ADAM28: variants seen among roughly 807,000 people sequenced by gnomAD.
ADAM28 encodes disintegrin and metalloproteinase domain-containing protein 28.
Under a neutral mutation model 101.2 loss-of-function variants are expected in ADAM28, and 105 were observed. The observed-to-expected ratio is 1.04, with a 90% CI of 0.89 to 1.22. The LOEUF (loss-of-function observed/expected upper bound fraction) is 1.22, where lower values mean the gene tolerates loss of function less well. ADAM28 is among the 50% of genes most tolerant of loss of function. The probability of loss-of-function intolerance (pLI) is 0.00; values close to 1 mark genes in which losing one functional copy is unlikely to be tolerated. For synonymous variants in ADAM28, 322 were observed against 310.6 expected (o/e 1.04, Z -0.39); for missense variants, 1,028 against 945.4 (o/e 1.09, Z -1.15).
chr8:24,340,248 G>A (rs1814601642), intron 15 of ADAM28, among the ~76,000 whole-genome samples: 1 of 152,086 alleles, frequency 6.6e-6, no homozygotes, highest in African/African-American at 2.4e-5. Context: ...TATAACAAGA[G>A]GTTGCACAAG....
intron 18 of ADAM28, among the ~76,000 whole-genome samples, chr8:24,347,689 C>A (rs568900786): frequency 1.3e-5 from 2 of 151,908 alleles, no homozygotes; most frequent in Non-Finnish European, 1.5e-5. Flanking sequence ...ACTTTGAGAG[C>A]GTATTATTAT....
chr8:24,348,276 T>C (rs912220107), intron 18 of ADAM28, among the ~76,000 whole-genome samples: 3 of 152,152 alleles, frequency 2.0e-5, no homozygotes, highest in African/African-American at 4.8e-5. Flanking sequence ...CACAGCGAAA[T>C]TGAAGAGAAA....
intron 3 of ADAM28, 70 bp from the exon 4 acceptor site, chr8:24,310,093 G>A (rs1585548538): frequency 6.4e-7 from 1 of 1,558,002 alleles, no homozygotes; most frequent in South Asian, 1.1e-5. Context: ...GCTCTCAAAT[G>A]ACTTGAGAAT....
chr8:24,298,080 G>C (rs1280273002), intron 1 of ADAM28, among the ~76,000 whole-genome samples: 1 of 152,082 alleles, frequency 6.6e-6, no homozygotes, highest in African/African-American at 2.4e-5. Context: ...TCTTGAAAGA[G>C]GTTATAGGGG....
At chr8:24,342,887 C>A in intron 16 of ADAM28, 76 of 721,214 alleles carry the variant, frequency 1.1e-4, no homozygotes, top group East Asian at 1.3e-4. Context: ...TTTAAAAATA[C>A]ATAAATTCTT....
At chr8:24,340,678 C>T (rs1814653188) in intron 15 of ADAM28, among the ~76,000 whole-genome samples, 1 of 152,100 alleles carries the variant, frequency 6.6e-6, no homozygotes, top group South Asian at 2.1e-4. Context: ...GCCTGAAATT[C>T]CCTGTGCCCT....
At chr8:24,321,182 A>G in intron 7 of ADAM28, 36 bp from the exon 8 acceptor site, 3 of 1,340,040 alleles carry the variant, frequency 2.2e-6, no homozygotes, top group East Asian at 2.3e-5. Context: ...ATTCATTTTT[A>G]TCAATGCCCA....
chr8:24,350,214 A>G (rs1815920709), intron 19 of ADAM28, among the ~76,000 whole-genome samples: 1 of 152,148 alleles, frequency 6.6e-6, no homozygotes, highest in African/African-American at 2.4e-5. Context: ...TAAGAGTGAT[A>G]TTAACTCTCA....
rs1812436632 is a variant in ADAM28, at chr8:24,325,627, A to G, written c.891-927A>G. 1.3e-5 allele frequency among the ~76,000 whole-genome samples: 2 copies of G among 151,780 alleles called. 1 individual carries two copies. Among genetic ancestry groups the G allele is most frequent in the Non-Finnish European group, 2.9e-5 (2 of 67,860 alleles). Reference sequence around the variant, plus strand: ...TTTAAGTATGCATAATGTAAAATATATTTTCAAAATAAATATCTGAAATCA... The same window carrying G: ...TTTAAGTATGCATAATGTAAAATATGTTTTCAAAATAAATATCTGAAATCA... On this transcript the variant is annotated intron_variant, in intron 9 of 22. Transcript: ENST00000265769.
rs1296799024 is a variant in ADAM28, at chr8:24,321,208, T to C, written c.649-10T>C. On this transcript the variant is annotated splice_polypyrimidine_tract_variant and intron_variant, in intron 7 of 22. Transcript: ENST00000265769. Reference sequence around the variant, plus strand: ...TCAATGCCCATATTCTTTCTTAATTTTTCTTTTAGTTTAAAAGGTACAATG... The same window carrying C: ...TCAATGCCCATATTCTTTCTTAATTCTTCTTTTAGTTTAAAAGGTACAATG... 6.4e-7 allele frequency: 1 copy of C among 1,568,624 alleles called. No individual in the cohort carries two copies. Among genetic ancestry groups the C allele is most frequent in the East Asian group, 2.2e-5 (1 of 44,550 alleles).
chr8:24,342,348 T>TTTAC (rs375357569), intron 16 of ADAM28, among the ~76,000 whole-genome samples: 32 of 152,296 alleles, frequency 2.1e-4, no homozygotes, highest in African/African-American at 7.5e-4. Flanking sequence ...TATTATCCTA[T>TTTAC]TTACTTAAAC....
At chr8:24,314,160 C>T (rs1215921149) in intron 6 of ADAM28, among the ~76,000 whole-genome samples, 1 of 152,146 alleles carries the variant, frequency 6.6e-6, no homozygotes, top group Non-Finnish European at 1.5e-5. Flanking sequence ...CTGTAGCCTA[C>T]AATAAACCAC....
At chr8:24,306,374 A>G (rs1397720497) in intron 2 of ADAM28, among the ~76,000 whole-genome samples, 1 of 139,510 alleles carries the variant, frequency 7.2e-6, no homozygotes, top group Non-Finnish European at 1.5e-5. Flanking sequence ...ATATATATAT[A>G]TATATATATA....
intron 6 of ADAM28, among the ~76,000 whole-genome samples, chr8:24,319,806 A>G (rs1811630201): frequency 6.6e-6 from 1 of 151,966 alleles, no homozygotes; most frequent in Non-Finnish European, 1.5e-5. Flanking sequence ...CACCATTGAT[A>G]ACGGAGCATG....
intron 9 of ADAM28, among the ~76,000 whole-genome samples, chr8:24,324,695 T>G (rs1330058326): frequency 2.0e-5 from 3 of 151,964 alleles, no homozygotes; most frequent in African/African-American, 7.2e-5. Context: ...GGGCTTGAAA[T>G]AAGGCTTCTT....
At chr8:24,343,225 G>A in intron 17 of ADAM28, 44 bp downstream of exon 17, 1 of 1,589,884 alleles carries the variant, frequency 6.3e-7, no homozygotes, top group Non-Finnish European at 8.6e-7. Context: ...TGAATCTTAT[G>A]ACATTCTAGG....
chr8:24,300,189 T>A, intron 2 of ADAM28, 112 bp downstream of exon 2: 2 of 861,474 alleles, frequency 2.3e-6, no homozygotes, highest in Admixed American at 5.6e-5. Context: ...TATGTTTATA[T>A]ATGTGTGTGT....
rs886694669 is a variant in ADAM28, at chr8:24,358,999, T to C, written c.*4595T>C. ...TTAAAATCTGGACAAATCACAAATA[T>C]AAAATACTTATTTAATTTTCTTCTG... On this transcript the variant is annotated 3_prime_UTR_variant, in exon 23 of 23. Coordinates refer to ENST00000265769, the MANE Select transcript of ADAM28 (RefSeq NM_014265.6). 2.0e-5 allele frequency: 3 copies of C among 152,140 alleles called. No homozygotes were observed. Among genetic ancestry groups the C allele is most frequent in the African/African-American group, 7.2e-5 (3 of 41,416 alleles). 9.4% of individuals were successfully genotyped at this position (152,140 alleles called of 1,614,324 possible).
intron 12 of ADAM28, among the ~76,000 whole-genome samples, chr8:24,332,229 T>C (rs1813447295): frequency 6.6e-6 from 1 of 152,176 alleles, no homozygotes; most frequent in Non-Finnish European, 1.5e-5. Flanking sequence ...CACAGTTGAA[T>C]TAAATATTAA....
Sources: gnomAD v4.1 joint callset for allele counts (sites outside exome capture counted in the v4.1 genomes callset) on GRCh38, gnomAD v4.1.1 for gene constraint, MANE v1.5 for transcripts, NCBI Gene and HGNC (gene_info 2026-07-23, HGNC 2026-07-21) for gene names.